The following COP1 variants were observed in gnomAD, a reference collection of about 807,000 sequenced individuals.
The protein encoded by COP1 is E3 ubiquitin-protein ligase COP1.
In COP1, 24 loss-of-function variants were observed where a neutral mutation model predicts 101.3. The observed-to-expected ratio is 0.24, with a 90% CI of 0.17 to 0.33. The LOEUF is 0.33. Among genes scored for constraint, COP1 ranks in the 10% least tolerant of loss-of-function variants. COP1 has a pLI of 1.00. For synonymous variants in COP1, 347 were observed against 341.9 expected, an observed-to-expected ratio of 1.01 and a Z score of -0.17; for missense variants, 663 against 906.2, an observed-to-expected ratio of 0.73 and a Z score of 3.45.
At chr1:175,992,395 C>A (rs557847484) in intron 15 of COP1, among the ~76,000 whole-genome samples, 16 of 152,290 alleles carry the variant, frequency 1.1e-4, no homozygotes, top group Non-Finnish European at 2.2e-4. Flanking sequence ...ACAGTGGGTG[C>A]AGGAGAGTGG....
chr1:176,124,155 A>C (rs1440597244), intron 8 of COP1, among the ~76,000 whole-genome samples: 1 of 152,086 alleles, frequency 6.6e-6, no homozygotes, highest in African/African-American at 2.4e-5. Flanking sequence ...AGGTGTATAT[A>C]CTTATGAGGT....
chr1:175,974,405 A>G lies in COP1; in HGVS notation c.2133+12538T>C, dbSNP rs553517013. On this transcript the variant is annotated intron_variant, in intron 18 of 19. Coordinates refer to ENST00000367669, the MANE Select transcript of COP1 (RefSeq NM_022457.7). Reference sequence around the variant, plus strand: ...ATATTTTTCATGTGATAGTAAGTCAATGCAATAGACTACATTGTTTGAATT... The same window carrying G: ...ATATTTTTCATGTGATAGTAAGTCAGTGCAATAGACTACATTGTTTGAATT... Among the ~76,000 whole-genome samples the G allele has an allele frequency of 9.8e-5, 15 of 152,346 alleles. No individual in the cohort carries two copies. The South Asian group carries it at 2.9e-3, about 29-fold the overall frequency.
intron 8 of COP1, among the ~76,000 whole-genome samples, 189 bp from the exon 9 acceptor site, chr1:176,116,870 C>T (rs1421055666): frequency 2.6e-5 from 4 of 152,126 alleles, no homozygotes; most frequent in African/African-American, 9.7e-5. Flanking sequence ...AAGCAATTTA[C>T]CACTTCAACC....
At position 176,009,851 on chromosome 1, in the gene COP1, A is replaced by G. The variant is rs1023914170; in HGVS notation, c.1729+17721T>C. On this transcript the variant is annotated intron_variant, in intron 15 of 19. Coordinates refer to ENST00000367669, the MANE Select transcript of COP1 (RefSeq NM_022457.7). ...TTATATATATTGTAATAACATTATG[A>G]TGTTAAGTTATAAGTTTAGGTTACT... Among the ~76,000 whole-genome samples the G allele has an allele frequency of 2.4e-5, 3 of 126,756 alleles. No individual in the cohort carries two copies. The Admixed American group carries it at 2.7e-4, about 11-fold the overall frequency. The allele number at this position is 126,756 out of a possible 152,430, so 83.2% of individuals were successfully genotyped here.
chr1:176,013,005 C>T (rs749447868), intron 15 of COP1, among the ~76,000 whole-genome samples: 16 of 152,108 alleles, frequency 1.1e-4, no homozygotes, highest in Admixed American at 9.2e-4. Context: ...CCAAAATCCA[C>T]GGATGTTCAT....
intron 8 of COP1, among the ~76,000 whole-genome samples, chr1:176,129,485 A>G (rs1281448386): frequency 6.6e-6 from 1 of 151,928 alleles, no homozygotes; most frequent in Non-Finnish European, 1.5e-5. Context: ...GCAATCTCTT[A>G]TCAGTAAAAG....
chr1:176,146,310 T>C (rs974435784), intron 6 of COP1, among the ~76,000 whole-genome samples: 2 of 152,178 alleles, frequency 1.3e-5, no homozygotes, highest in African/African-American at 4.8e-5. Flanking sequence ...ACAAACGCTG[T>C]TAATAGGCAA....
chr1:175,991,541 T>A (rs1658464421), intron 15 of COP1, among the ~76,000 whole-genome samples: 2 of 152,126 alleles, frequency 1.3e-5, no homozygotes, highest in South Asian at 4.1e-4. Context: ...AAAAAAGTGT[T>A]CTCCCTTCAG....
intron 14 of COP1, among the ~76,000 whole-genome samples, chr1:176,030,216 T>C (rs1416668905): frequency 6.6e-6 from 1 of 152,216 alleles, no homozygotes; most frequent in Non-Finnish European, 1.5e-5. Context: ...ACTATTTCAA[T>C]CAAAATGCAA....
intron 3 of COP1, among the ~76,000 whole-genome samples, chr1:176,171,748 TATA>T (rs1696102194): frequency 6.6e-6 from 1 of 152,216 alleles, no homozygotes; most frequent in African/African-American, 2.4e-5. Flanking sequence ...TATGCCTGTA[TATA>T]CAATTTTGTT....
At chr1:176,027,322 T>G (rs1667845169) in intron 15 of COP1, among the ~76,000 whole-genome samples, 1 of 152,214 alleles carries the variant, frequency 6.6e-6, no homozygotes, top group African/African-American at 2.4e-5. Flanking sequence ...TTCATGCATA[T>G]AAACACTAAG....
At chr1:176,092,169 A>C (rs1317642185) in intron 9 of COP1, among the ~76,000 whole-genome samples, 1 of 152,138 alleles carries the variant, frequency 6.6e-6, no homozygotes, top group Admixed American at 6.5e-5. Context: ...TTATGCAAGT[A>C]ACACTAGTTT....
At chr1:176,003,815 G>T (rs1662398095) in intron 15 of COP1, among the ~76,000 whole-genome samples, 1 of 151,718 alleles carries the variant, frequency 6.6e-6, no homozygotes, top group Non-Finnish European at 1.5e-5. Flanking sequence ...TTTGGCTTAG[G>T]ATTGACTTGG....
chr1:176,188,610 T>G (rs1219550138), intron 1 of COP1, among the ~76,000 whole-genome samples: 1 of 152,118 alleles, frequency 6.6e-6, no homozygotes, highest in Non-Finnish European at 1.5e-5. Flanking sequence ...TTTTGGTAAT[T>G]TTCACAATAT....
intron 9 of COP1, among the ~76,000 whole-genome samples, chr1:176,091,538 C>A (rs1681308675): frequency 6.6e-6 from 1 of 151,918 alleles, no homozygotes; most frequent in South Asian, 2.1e-4. Flanking sequence ...AAAAATTATC[C>A]AAGTAACAAT....
intron 11 of COP1, among the ~76,000 whole-genome samples, chr1:176,062,529 C>T (rs1675053914): frequency 6.6e-6 from 1 of 152,128 alleles, no homozygotes; most frequent in Non-Finnish European, 1.5e-5. Flanking sequence ...TTTTAAACTG[C>T]TGATTAAAGT....
At chr1:176,153,448 G>C (rs1184889804) in intron 5 of COP1, among the ~76,000 whole-genome samples, 1 of 152,150 alleles carries the variant, frequency 6.6e-6, no homozygotes, top group African/African-American at 2.4e-5. Context: ...TGTATTCTGA[G>C]ACTTTGCTGA....
chr1:176,117,597 A>T (rs1686416040), intron 8 of COP1, among the ~76,000 whole-genome samples: 1 of 152,194 alleles, frequency 6.6e-6, no homozygotes, highest in Admixed American at 6.5e-5. Context: ...CTCTATTTCT[A>T]CTATAAACAT....
At chr1:175,946,878 C>T (rs1649241480) in intron 19 of COP1, among the ~76,000 whole-genome samples, 1 of 152,186 alleles carries the variant, frequency 6.6e-6, no homozygotes, top group Admixed American at 6.5e-5. Context: ...ACTGAAAGCC[C>T]TGTGGGAGAG....
Sources: allele counts gnomAD v4.1 joint callset (sites outside exome capture counted in the v4.1 genomes callset), GRCh38; gene constraint gnomAD v4.1.1; transcripts MANE v1.5; gene names NCBI Gene and HGNC (gene_info 2026-07-23, HGNC 2026-07-21).